Variants in SCAND3 observed in about 807,000 individuals in gnomAD.
The protein encoded by SCAND3 is SCAN domain containing 3.
the SCAND3 span, among the ~76,000 whole-genome samples, chr6:28,607,738 T>C: frequency 1.3e-5 from 2 of 152,090 alleles, no homozygotes; most frequent in Non-Finnish European, 2.9e-5. Flanking sequence ...CTGTCTGTCA[T>C]AGCATGGGGT....
At chr6:28,583,947 C>T in the SCAND3 span, among the ~76,000 whole-genome samples, 1 of 152,318 alleles carries the variant, frequency 6.6e-6, no homozygotes, top group Non-Finnish European at 1.5e-5. Context: ...AAGAGCGATA[C>T]AGCTTGGGTT....
At chr6:28,599,740 G>A in the SCAND3 span, among the ~76,000 whole-genome samples, 3 of 152,160 alleles carry the variant, frequency 2.0e-5, no homozygotes, top group African/African-American at 7.2e-5. Flanking sequence ...AGTCTTGGGT[G>A]TGTCTTTAAC....
At chr6:28,584,885 A>C in the SCAND3 span, among the ~76,000 whole-genome samples, 1 of 152,226 alleles carries the variant, frequency 6.6e-6, no homozygotes, top group South Asian at 2.1e-4. Context: ...CCACTAAATG[A>C]AGGCACTTCT....
chr6:28,584,463 C>G, the SCAND3 span, among the ~76,000 whole-genome samples: 1 of 152,074 alleles, frequency 6.6e-6, no homozygotes, highest in African/African-American at 2.4e-5. Flanking sequence ...GGCACCAAGG[C>G]TAGTCTTTAC....
chr6:28,605,030 G>C, the SCAND3 span, among the ~76,000 whole-genome samples: 22 of 152,270 alleles, frequency 1.4e-4, no homozygotes, highest in East Asian at 3.9e-3. Context: ...CCCATAACAA[G>C]AGTGTCAGGC....
At chr6:28,605,550 G>A in the SCAND3 span, among the ~76,000 whole-genome samples, 1 of 151,966 alleles carries the variant, frequency 6.6e-6, no homozygotes, top group Non-Finnish European at 1.5e-5. Context: ...AAAATGAAAT[G>A]AGGCCGGGAG....
the SCAND3 span, among the ~76,000 whole-genome samples, chr6:28,608,764 T>C: frequency 6.6e-6 from 1 of 152,146 alleles, no homozygotes; most frequent in Admixed American, 6.5e-5. Flanking sequence ...TTTGAAAAGC[T>C]GAGGCAGGAG....
At chr6:28,593,448 G>C in the SCAND3 span, 1 of 152,092 alleles carries the variant, frequency 6.6e-6, no homozygotes, top group African/African-American at 2.4e-5. Flanking sequence ...GCTGAGGCGG[G>C]CGGATCACCT....
At chr6:28,597,918 C>G in the SCAND3 span, 8 of 152,114 alleles carry the variant, frequency 5.3e-5, no homozygotes, top group Non-Finnish European at 1.2e-4. Context: ...AGCAAAGAGA[C>G]GCTTTCATTT....
chr6:28,583,307 C>T, the SCAND3 span, among the ~76,000 whole-genome samples: 1 of 151,902 alleles, frequency 6.6e-6, no homozygotes, highest in Admixed American at 6.6e-5. Context: ...GACTGAACCC[C>T]GGAGGCAGAG....
At chr6:28,604,620 A>G in the SCAND3 span, among the ~76,000 whole-genome samples, 1 of 152,028 alleles carries the variant, frequency 6.6e-6, no homozygotes, top group Non-Finnish European at 1.5e-5. Flanking sequence ...TGTCTCAAAA[A>G]AAAAAAAAAA....
the SCAND3 span, among the ~76,000 whole-genome samples, chr6:28,613,050 G>C: frequency 6.6e-6 from 1 of 152,070 alleles, no homozygotes; most frequent in Non-Finnish European, 1.5e-5. Flanking sequence ...AAATTGACTA[G>C]ATATTATAAA....
At chr6:28,586,514 C>G in the SCAND3 span, 1 of 1,614,262 alleles carries the variant, frequency 6.2e-7, no homozygotes, top group Non-Finnish European at 8.5e-7. This position sits in a 1 kb window ranked among gnomAD's most constrained non-coding sequence, Gnocchi z 4.4. Context: ...GACTCAGAGC[C>G]TCCCTGGGCC....
At chr6:28,616,185 G>T in the SCAND3 span, 1 of 152,380 alleles carries the variant, frequency 6.6e-6, no homozygotes, top group Non-Finnish European at 1.5e-5. This position sits in a 1 kb window ranked among gnomAD's most constrained non-coding sequence, Gnocchi z 4.3. Flanking sequence ...CGTTCTACTC[G>T]TCCTCATCCG....
chr6:28,608,840 T>C, the SCAND3 span, among the ~76,000 whole-genome samples: 9 of 151,888 alleles, frequency 5.9e-5, no homozygotes, highest in African/African-American at 2.2e-4. Flanking sequence ...CTCTTTTAAA[T>C]TAGCAGGGCA....
the SCAND3 span, chr6:28,590,153 C>T: frequency 6.6e-6 from 1 of 152,400 alleles, no homozygotes; most frequent in South Asian, 2.1e-4. Context: ...CAATTCAGGA[C>T]CAGACACGGT....
the SCAND3 span, among the ~76,000 whole-genome samples, chr6:28,600,985 T>C: frequency 7.1e-6 from 1 of 141,582 alleles, no homozygotes; most frequent in Non-Finnish European, 1.5e-5. Flanking sequence ...CACCGCAAGC[T>C]CCATCTCCCA....
At chr6:28,599,556 G>A in the SCAND3 span, among the ~76,000 whole-genome samples, 2 of 152,184 alleles carry the variant, frequency 1.3e-5, no homozygotes, top group Non-Finnish European at 2.9e-5. Context: ...TCTCATGATA[G>A]TGAATAAGTC....
the SCAND3 span, chr6:28,575,207 A>G: frequency 1.2e-6 from 2 of 1,613,960 alleles, no homozygotes; most frequent in Non-Finnish European, 1.7e-6. This position sits in a 1 kb window ranked among gnomAD's most constrained non-coding sequence, Gnocchi z 4.2. Flanking sequence ...TGAATGAACC[A>G]CAAAAATTCA....
Sources: allele counts gnomAD v4.1 joint callset (sites outside exome capture counted in the v4.1 genomes callset), GRCh38; gene constraint gnomAD v4.1.1; non-coding constraint Gnocchi (gnomAD v3.1); transcripts MANE v1.5; gene names NCBI Gene and HGNC (gene_info 2026-07-23, HGNC 2026-07-21).